The following WDHD1 variants were observed in gnomAD, a reference collection of about 807,000 sequenced individuals.
WDHD1 encodes WD repeat and HMG-box DNA-binding protein 1.
WDHD1 carries 111 observed loss-of-function variants against 135.4 expected under a neutral mutation model. That is an observed-to-expected ratio of 0.82 (90% confidence interval 0.70 to 0.96). The LOEUF (loss-of-function observed/expected upper bound fraction) is 0.96, where lower values mean the gene tolerates loss of function less well. Ranked by LOEUF, WDHD1 falls within the 40% of genes least tolerant of loss-of-function variation. WDHD1 has a pLI of 0.00. For synonymous variants in WDHD1, 434 were observed against 439.0 expected (o/e 0.99, Z 0.14); for missense variants, 1,351 against 1,336.3 (o/e 1.01, Z -0.17).
rs1260865938 is a variant in WDHD1, at chr14:54,960,582, TC to T, written c.2701+1915del. Among the ~76,000 whole-genome samples, 7 of 136,734 alleles carry T rather than the reference TC, an allele frequency of 5.1e-5. No homozygotes were observed. In the East Asian group the frequency reaches 1.4e-3, roughly 27 times the overall value. The allele number at this position is 136,734 out of a possible 152,430, so 89.7% of individuals were successfully genotyped here. A position where few individuals can be genotyped will look rare whatever the true frequency, so the allele number is the denominator to read the frequency against. ...TGGCGTGATCTCCACTTACTGCAAC[TC>T]CCCACTCCTGGATTCAAGCAATTCT... is the stretch of plus-strand genomic sequence containing the variant. On this transcript the variant is annotated intron_variant, in intron 21 of 25. Coordinates refer to ENST00000360586, the MANE Select transcript of WDHD1 (RefSeq NM_007086.4).
At chr14:54,971,640 C>T (rs986995585) in intron 16 of WDHD1, among the ~76,000 whole-genome samples, 7 of 142,682 alleles carry the variant, frequency 4.9e-5, no homozygotes, top group Admixed American at 1.5e-4. Context: ...CCCAGAAAGT[C>T]GAGGCTGCAG....
intron 24 of WDHD1, among the ~76,000 whole-genome samples, chr14:54,955,145 C>T (rs2041131067): frequency 6.6e-6 from 1 of 152,088 alleles, no homozygotes; most frequent in South Asian, 2.1e-4. Flanking sequence ...TATGTATTTG[C>T]ACATAAATAG....
intron 16 of WDHD1, among the ~76,000 whole-genome samples, chr14:54,980,347 G>C (rs2041597233): frequency 6.6e-6 from 1 of 151,544 alleles, no homozygotes; most frequent in Non-Finnish European, 1.5e-5. Flanking sequence ...ACATAATTCA[G>C]TGGTTTTTTT....
intron 24 of WDHD1, among the ~76,000 whole-genome samples, chr14:54,952,783 A>G (rs1429998115): frequency 6.6e-6 from 1 of 152,196 alleles, no homozygotes. Context: ...AGAGATACAG[A>G]CCAATGGAAC....
At chr14:54,974,201 C>T (rs1216311475) in intron 16 of WDHD1, among the ~76,000 whole-genome samples, 1 of 151,884 alleles carries the variant, frequency 6.6e-6, no homozygotes, top group South Asian at 2.1e-4. Context: ...GTAGGCAGAT[C>T]GCTTGAGCTC....
intron 16 of WDHD1, among the ~76,000 whole-genome samples, chr14:54,971,071 T>C (rs1395369726): frequency 1.3e-5 from 2 of 152,220 alleles, no homozygotes; most frequent in Admixed American, 6.5e-5. Flanking sequence ...ACTATCACCA[T>C]GTGCAAAAAT....
intron 24 of WDHD1, among the ~76,000 whole-genome samples, chr14:54,949,077 T>C (rs2040988043): frequency 6.6e-6 from 1 of 151,868 alleles, no homozygotes; most frequent in Middle Eastern, 3.4e-3. Context: ...AAGCTGAAAA[T>C]TCTAAAAATC....
rs138735219 is a variant in WDHD1 at position 54,977,000 on chromosome 14, G to T, written c.2063+4540C>A. 2.3e-4 allele frequency among the ~76,000 whole-genome samples: 35 copies of T among 151,936 alleles called. 1 individual carries two copies. In the East Asian group the frequency reaches 6.2e-3, roughly 27 times the overall value. On this transcript the variant is annotated intron_variant, in intron 16 of 25. Transcript: ENST00000360586. ...AATTCAATTATTCTACAACAAGCTG[G>T]TCTTTATAGGAGAAGTATTTATTCT...
rs896746984 is a variant in WDHD1, at chr14:54,972,555, A to C, written c.2064-5161T>G. ...TGGGCAATAAAGCAAGACTGTCACAAAAAAAAAAAAAAAAAAAAAAAAAAA... is the reference window on the plus strand; with the variant it reads ...TGGGCAATAAAGCAAGACTGTCACACAAAAAAAAAAAAAAAAAAAAAAAAA... On this transcript the variant is annotated intron_variant, in intron 16 of 25. Transcript: ENST00000360586. 7.0e-3 allele frequency among the ~76,000 whole-genome samples: 373 copies of C among 52,964 alleles called. 7 individuals are homozygous for C. The highest frequency in any genetic ancestry group is 0.03 in the African/African-American group (340 of 11,270). 34.7% of individuals were successfully genotyped at this position (52,964 alleles called of 152,430 possible). A position where few individuals can be genotyped will look rare whatever the true frequency, so the allele number is the denominator to read the frequency against.
At chr14:54,966,376 T>C (rs2041345148) in intron 18 of WDHD1, 99 bp downstream of exon 18, 1 of 1,375,136 alleles carries the variant, frequency 7.3e-7, no homozygotes. Context: ...TTAAGAATCT[T>C]AGGTTGTGGG....
Position 55,009,874 on chromosome 14 carries a change from G to A in WDHD1, c.341+435C>T, listed in dbSNP as rs1177069417. 3.3e-5 allele frequency among the ~76,000 whole-genome samples: 5 copies of A among 151,952 alleles called. No individual in the cohort carries two copies. In the East Asian group the frequency reaches 9.7e-4, roughly 29 times the overall value. Reference sequence around the variant, plus strand: ...CTCACTCTGTCGCCTAGGCTGGAATGCAGTGGCACCATCTTGGCTCACTGC... The same window carrying A: ...CTCACTCTGTCGCCTAGGCTGGAATACAGTGGCACCATCTTGGCTCACTGC... On this transcript the variant is annotated intron_variant, in intron 4 of 25. Coordinates refer to ENST00000360586, the MANE Select transcript of WDHD1 (RefSeq NM_007086.4).
Position 54,944,426 on chromosome 14 carries a change from T to C in WDHD1, c.3095A>G (p.Asn1032Ser), listed in dbSNP as rs777647240. The change falls in exon 25 of 26, where the codon AAT becomes AGT. Residue 1032 changes from asparagine to serine, a missense_variant. Around this residue, in one of 2 missense-constraint regions of WDHD1, gnomAD observed 1,330 missense variants for 1,296.1 expected, o/e 1.03. Transcript: ENST00000360586. ...AAAGTCAGGATTGTCAGACAAAATATTACTTCTATTTTCTTCTAACCACAT... is the reference window on the plus strand; with the variant it reads ...AAAGTCAGGATTGTCAGACAAAATACTACTTCTATTTTCTTCTAACCACAT... ...FQMWLEENRS[N>S]ILSDNPDFSD... 6.2e-7 allele frequency: 1 copy of C among 1,606,636 alleles called. No homozygotes were observed. Among genetic ancestry groups the C allele is most frequent in the Non-Finnish European group, 8.5e-7 (1 of 1,178,640 alleles).
chr14:55,011,172 C>T (rs750790569), intron 3 of WDHD1, among the ~76,000 whole-genome samples: 9 of 152,134 alleles, frequency 5.9e-5, no homozygotes, highest in Non-Finnish European at 1.2e-4. Flanking sequence ...ACTTTTTCCT[C>T]CTTTACAGTC....
rs74359309 is a variant in WDHD1 at position 55,026,689 on chromosome 14, G to A, written c.77+22C>T. On this transcript the variant is annotated intron_variant, in intron 2 of 25. Transcript: ENST00000360586. ...ATGTTTTAACATTTGCACCTAAAAC[G>A]TTGTTTCTCAAAGAACCTTACCTCC... is the stretch of plus-strand genomic sequence containing the variant. 7.9e-3 allele frequency: 12,751 copies of A among 1,612,444 alleles called. 66 individuals are homozygous for A. The highest frequency in any genetic ancestry group is 0.01 in the Non-Finnish European group (11,844 of 1,178,458).
intron 16 of WDHD1, among the ~76,000 whole-genome samples, chr14:54,976,219 T>C (rs1013160563): frequency 6.6e-6 from 1 of 151,706 alleles, no homozygotes; most frequent in Admixed American, 6.5e-5. Flanking sequence ...CAAATAAATA[T>C]GAAGATGAAT....
At chr14:55,011,957 CTG>C (rs1023596755) in intron 3 of WDHD1, among the ~76,000 whole-genome samples, 6 of 151,840 alleles carry the variant, frequency 4.0e-5, no homozygotes, top group African/African-American at 1.5e-4. Context: ...CCAGAAATGA[CTG>C]TGTACATTCT....
chr14:54,999,195 T>C (rs2041939859), intron 10 of WDHD1, among the ~76,000 whole-genome samples: 1 of 152,202 alleles, frequency 6.6e-6, no homozygotes, highest in Non-Finnish European at 1.5e-5. Context: ...CATTCAAGTA[T>C]CTAATCTTTC....
rs141843920 is a variant in WDHD1, at chr14:54,957,112, G to A, written c.2838C>T (p.Ser946=). 2.0e-4 allele frequency: 318 copies of A among 1,614,092 alleles called. No homozygotes were observed. The highest frequency in any genetic ancestry group is 2.5e-4 in the Non-Finnish European group (290 of 1,180,010). ...LDNMGKSSKK[S]TALSRTTNNE... ...TATTTGTAGTTCGACTAAGTGCAGT[G>A]GATTTCTTGGATGATTTGCCCATAT... Residue 946 remains serine (S), a synonymous_variant, in exon 23 of 26, where the codon TCC becomes TCT. Transcript: ENST00000360586.
In WDHD1 at chr14:54,984,837, A is replaced by G. The variant is rs2041672328; in HGVS notation, c.1792T>C (p.Cys598Arg). The change falls in exon 15 of 26, where the codon TGC becomes CGC. Residue 598 changes from cysteine (C) to arginine (R), a missense_variant. By Grantham distance (180) the Cys-to-Arg change is radical. Around this residue, in one of 2 missense-constraint regions of WDHD1, gnomAD observed 1,330 missense variants for 1,296.1 expected, o/e 1.03. Coordinates refer to ENST00000360586, the MANE Select transcript of WDHD1 (RefSeq NM_007086.4). ...HRGTGFDGDQCLGVQLLELGK... is the reference protein window; with the variant it reads ...HRGTGFDGDQRLGVQLLELGK... ...AGCTCTAGCAGTTGAACTCCAAGGC[A>G]CTGATCCCCATCAAATCCTGTACCT... 1 of 1,612,676 alleles carries G rather than the reference A, an allele frequency of 6.2e-7. No homozygotes were observed. Among genetic ancestry groups the G allele is most frequent in the Non-Finnish European group, 8.5e-7 (1 of 1,179,550 alleles).
Sources: gnomAD v4.1 joint callset for allele counts (sites outside exome capture counted in the v4.1 genomes callset) on GRCh38, gnomAD v4.1.1 for gene constraint, gnomAD v4.1.1 regional missense constraint, MANE v1.5 for transcripts, NCBI Gene and HGNC (gene_info 2026-07-23, HGNC 2026-07-21) for gene names.